Variants in CCDC74A observed in about 807,000 individuals in gnomAD.
CCDC74A encodes coiled-coil domain-containing protein 74A.
A neutral mutation model predicts 37.6 loss-of-function variants in CCDC74A; 38 were observed. The observed-to-expected ratio is 1.01, with a 90% confidence interval of 0.78 to 1.33. CCDC74A has a LOEUF of 1.33. Ranked by LOEUF, CCDC74A falls within the 40% of genes most tolerant of loss-of-function variation. The pLI is 0.00. For missense variants in CCDC74A, 340 were observed against 403.4 expected (o/e 0.84, Z 1.35); for synonymous variants, 134 against 165.2 (o/e 0.81, Z 1.45).
chr2:131,523,308 T>C (rs1559389444), upstream of CCDC74A, among the ~76,000 whole-genome samples: 1 of 152,190 alleles, frequency 6.6e-6, no homozygotes, highest in East Asian at 1.9e-4. Flanking sequence ...GGTGCCGAAA[T>C]ATATCTAATT....
Position 131,528,083 on chromosome 2 carries a change from G to A in CCDC74A, c.113G>A (p.Ser38Asn). Residue 38 changes from serine (S) to asparagine (N), a missense_variant, in exon 1 of 8, where the codon AGC (serine) becomes AAC (asparagine). Physicochemically the swap from Ser to Asn is conservative, Grantham distance 46. Transcript: ENST00000409856. ...GGCGTCCAGTCCTTGAGGCCGCAGAGCCCGCAGCTCAGGCAGAGCGACCCG... is the reference window on the plus strand; with the variant it reads ...GGCGTCCAGTCCTTGAGGCCGCAGAACCCGCAGCTCAGGCAGAGCGACCCG... ...SVGVQSLRPQ[S>N]PQLRQSDPQK... The A allele has an allele frequency of 6.2e-7, 1 of 1,612,240 alleles. No homozygotes were observed. Among genetic ancestry groups the A allele is most frequent in the Non-Finnish European group, 8.5e-7 (1 of 1,179,468 alleles).
chr2:131,532,054 G>A (rs1161563772), intron 4 of CCDC74A, among the ~76,000 whole-genome samples: 4 of 150,648 alleles, frequency 2.7e-5, no homozygotes, highest in South Asian at 4.2e-4. Context: ...GCCCACGAGG[G>A]GGGCCAGTAG....
chr2:131,527,512 T>C (rs1424396541), upstream of CCDC74A, among the ~76,000 whole-genome samples: 5 of 152,010 alleles, frequency 3.3e-5, no homozygotes, highest in Non-Finnish European at 7.4e-5. Context: ...TTTATTATTA[T>C]TTTTTTAGAC....
At chr2:131,533,130 G>A in intron 7 of CCDC74A, 61 bp downstream of exon 7, 1 of 1,612,008 alleles carries the variant, frequency 6.2e-7, no homozygotes, top group Admixed American at 1.7e-5. Flanking sequence ...CAGGGAGGGA[G>A]TGGGGAAGGG....
upstream of CCDC74A, chr2:131,527,709 G>T: frequency 4.1e-6 from 2 of 490,618 alleles, no homozygotes; most frequent in Non-Finnish European, 3.4e-6. Flanking sequence ...TGGTCAGGCT[G>T]GTCACGAACT....
chr2:131,533,525 A>T lies in CCDC74A; in HGVS notation c.*127A>T, dbSNP rs1681766287. The T allele has an allele frequency of 5.3e-6, 7 of 1,312,834 alleles. No homozygotes were observed. The highest frequency in any genetic ancestry group is 1.5e-5 in the African/African-American group (1 of 67,666). The allele number at this position is 1,312,834 out of a possible 1,614,324, so 81.3% of individuals were successfully genotyped here. On this transcript the variant is annotated 3_prime_UTR_variant, in exon 8 of 8. Transcript: ENST00000409856. ...TTCCAAGACAGATAACACTCAAGAT[A>T]GATAAAGTACTTGATCTCCAAACTG...
intron 7 of CCDC74A, 75 bp from the exon 8 acceptor site, chr2:131,533,194 G>A: frequency 6.2e-7 from 1 of 1,607,522 alleles, no homozygotes; most frequent in South Asian, 1.1e-5. Flanking sequence ...CCCCCGTGAG[G>A]GCCATGCAGG....
chr2:131,533,410 C>G lies in CCDC74A; in HGVS notation c.*12C>G. 2 of 1,613,230 alleles carry G rather than the reference C, an allele frequency of 1.2e-6. No homozygotes were observed. Among genetic ancestry groups the G allele is most frequent in the Non-Finnish European group, 1.7e-6 (2 of 1,179,900 alleles). ...GCTCAGTGCTTTGAGCCACCCCAAT[C>G]TGGTCAGTGCCAGGCCCACCAACCT... On this transcript the variant is annotated 3_prime_UTR_variant, in exon 8 of 8. Coordinates refer to ENST00000409856, the MANE Select transcript of CCDC74A (RefSeq NM_001258306.3).
intron 2 of CCDC74A, 61 bp from the exon 3 acceptor site, chr2:131,530,716 C>G: frequency 1.2e-6 from 2 of 1,613,356 alleles, no homozygotes. Context: ...GACACACAGG[C>G]CAGGAGGCAA....
upstream of CCDC74A, among the ~76,000 whole-genome samples, chr2:131,526,836 G>A (rs976647043): frequency 3.9e-5 from 6 of 152,038 alleles, no homozygotes; most frequent in Non-Finnish European, 8.8e-5. Context: ...TTGCCTTTAC[G>A]GTTTCCTAGA....
rs763318909 is a variant in CCDC74A, at chr2:131,533,406, C to G, written c.*8C>G. ...CATCGCTCAGTGCTTTGAGCCACCC[C>G]AATCTGGTCAGTGCCAGGCCCACCA... On this transcript the variant is annotated 3_prime_UTR_variant, in exon 8 of 8. Coordinates refer to ENST00000409856, the MANE Select transcript of CCDC74A (RefSeq NM_001258306.3). The G allele has an allele frequency of 4.3e-6, 7 of 1,613,302 alleles. No individual in the cohort carries two copies. Among genetic ancestry groups the G allele is most frequent in the South Asian group, 1.1e-5 (1 of 91,064 alleles).
intron 1 of CCDC74A, chr2:131,528,454 T>A: frequency 6.5e-7 from 1 of 1,549,554 alleles, no homozygotes. Context: ...CAGCAGCATT[T>A]CAGATGCTGA....
In CCDC74A at chr2:131,533,321, C is replaced by A; in HGVS notation, c.862C>A (p.Pro288Thr). The change falls in exon 8 of 8, where the codon CCG (proline) becomes ACG (threonine). Residue 288 changes from proline (P) to threonine (T), a missense_variant. Physicochemically the swap from Pro to Thr is conservative, Grantham distance 38 (BLOSUM62 -1). Around this residue, in one of 3 missense-constraint regions of CCDC74A, gnomAD observed 185 missense variants for 231.5 expected, o/e 0.80. Transcript: ENST00000409856. ...CATCCTGCCCGCACTGAAGCAGACC[C>A]CGAAGAACAACTTTGCCGAGAGGCA... is the stretch of plus-strand genomic sequence containing the variant. Reference protein sequence around the residue: ...RAILPALKQTPKNNFAERQKR... With the variant: ...RAILPALKQTTKNNFAERQKR... The A allele has an allele frequency of 6.2e-7, 1 of 1,613,448 alleles. No individual in the cohort carries two copies. Among genetic ancestry groups the A allele is most frequent in the Non-Finnish European group, 8.5e-7 (1 of 1,179,956 alleles).
At position 131,533,078 on chromosome 2, in the gene CCDC74A, C is replaced by T. The variant is rs1465785295; in HGVS notation, c.809+9C>T. 3 of 1,613,814 alleles carry T rather than the reference C, an allele frequency of 1.9e-6. No homozygotes were observed. The African/African-American group carries it at 4.0e-5, about 22-fold the overall frequency. ...AGCCTCTCCAAGAAATGGTAAGTCC[C>T]ACAGGCATGGGGACAGTGGGGCAGC... On this transcript the variant is annotated intron_variant, in intron 7 of 7. Coordinates refer to ENST00000409856, the MANE Select transcript of CCDC74A (RefSeq NM_001258306.3).
At chr2:131,532,827 C>G (rs1681593030) in intron 5 of CCDC74A, 37 bp from the exon 6 acceptor site, 1 of 1,612,934 alleles carries the variant, frequency 6.2e-7, no homozygotes, top group Non-Finnish European at 8.5e-7. Context: ...TCTGGCACCG[C>G]CACAGGCCCC....
intron 1 of CCDC74A, chr2:131,528,621 T>A (rs1194955605): frequency 1.1e-5 from 8 of 732,820 alleles, no homozygotes; most frequent in East Asian, 6.7e-5. Context: ...CCATCCTGGC[T>A]AACACGGTGA....
upstream of CCDC74A, among the ~76,000 whole-genome samples, chr2:131,523,466 A>G (rs568749658): frequency 1.5e-4 from 23 of 152,172 alleles, no homozygotes; most frequent in East Asian, 2.1e-3. Flanking sequence ...CATCTCTACT[A>G]AAAATACAAA....
At chr2:131,531,984 G>T (rs1317013463) in intron 4 of CCDC74A, among the ~76,000 whole-genome samples, 182 bp downstream of exon 4, 2 of 149,284 alleles carry the variant, frequency 1.3e-5, no homozygotes, top group Admixed American at 6.7e-5. Context: ...TCTACCCATC[G>T]GTGGGCGCTG....
At chr2:131,523,094 C>G (rs112897284), upstream of CCDC74A, among the ~76,000 whole-genome samples, 1 of 152,112 alleles carries the variant, frequency 6.6e-6, no homozygotes, top group Non-Finnish European at 1.5e-5. Context: ...TTTGTAGAGA[C>G]GGGGTCTCAC....
Sources: gnomAD v4.1 joint callset for allele counts (sites outside exome capture counted in the v4.1 genomes callset) on GRCh38, gnomAD v4.1.1 for gene constraint, gnomAD v4.1.1 regional missense constraint, MANE v1.5 for transcripts, NCBI Gene and HGNC (gene_info 2026-07-23, HGNC 2026-07-21) for gene names.